Variants in DPYD observed in about 807,000 individuals in gnomAD.
The protein encoded by DPYD is dihydropyrimidine dehydrogenase.
DPYD carries 109 observed loss-of-function variants against 116.2 expected under a neutral mutation model. The observed-to-expected ratio is 0.94, with a 90% confidence interval of 0.80 to 1.10. The LOEUF is 1.10. Among genes scored for constraint, DPYD ranks in the 50% least tolerant of loss-of-function variants. The pLI is 0.00. For missense variants in DPYD, 1,302 were observed against 1,254.5 expected (o/e 1.04, Z -0.57); for synonymous variants, 440 against 432.0 (o/e 1.02, Z -0.23).
chr1:97,587,855 T>C (rs1021049066), intron 10 of DPYD, among the ~76,000 whole-genome samples: 2 of 147,264 alleles, frequency 1.4e-5, no homozygotes, highest in Non-Finnish European at 3.0e-5. Flanking sequence ...AAAAAAAGCA[T>C]GTTTAGCCAT....
intron 1 of DPYD, among the ~76,000 whole-genome samples, chr1:97,915,452 A>G (rs1201815520): frequency 3.9e-5 from 6 of 152,136 alleles, no homozygotes; most frequent in Non-Finnish European, 7.4e-5. Flanking sequence ...AAGCAATGGA[A>G]GCAGTAATAA....
Position 97,241,849 on chromosome 1 carries a change from A to G in DPYD, c.2300-6855T>C, listed in dbSNP as rs572367523. Among the ~76,000 whole-genome samples, 261 of 151,940 alleles carry G rather than the reference A, an allele frequency of 1.7e-3. 1 individual carries two copies. The highest frequency in any genetic ancestry group is 0.01 in the Middle Eastern group (3 of 294). Reference sequence around the variant, plus strand: ...GCACAGTGCCTAGCTTATAATGTGTATAAGCTAATATTAGTGTCAAAGCCA... The same window carrying G: ...GCACAGTGCCTAGCTTATAATGTGTGTAAGCTAATATTAGTGTCAAAGCCA... On this transcript the variant is annotated intron_variant, in intron 18 of 22. Coordinates refer to ENST00000370192, the MANE Select transcript of DPYD (RefSeq NM_000110.4).
At chr1:97,690,264 T>G (rs1660946009) in intron 7 of DPYD, among the ~76,000 whole-genome samples, 1 of 152,074 alleles carries the variant, frequency 6.6e-6, no homozygotes, top group Non-Finnish European at 1.5e-5. Flanking sequence ...ATAGCTAAGA[T>G]ATATTTCTTG....
chr1:97,394,924 A>G (rs1672929517), intron 14 of DPYD, among the ~76,000 whole-genome samples: 1 of 152,028 alleles, frequency 6.6e-6, no homozygotes, highest in Non-Finnish European at 1.5e-5. Context: ...ATGAAGCAAG[A>G]TATCTAAGTA....
intron 3 of DPYD, among the ~76,000 whole-genome samples, chr1:97,800,672 T>C (rs1306230018): frequency 6.6e-6 from 1 of 151,952 alleles, no homozygotes; most frequent in Non-Finnish European, 1.5e-5. Flanking sequence ...CAAATAGTGC[T>C]GCCACCATCT....
intron 6 of DPYD, among the ~76,000 whole-genome samples, chr1:97,696,196 C>T (rs528117577): frequency 2.3e-4 from 34 of 151,080 alleles, no homozygotes; most frequent in African/African-American, 8.3e-4. Context: ...TAAAGGATAT[C>T]AGAGGACATT....
At chr1:97,195,522 GA>G in intron 19 of DPYD, among the ~76,000 whole-genome samples, 1 of 8,672 alleles carries the variant, frequency 1.2e-4, no homozygotes, top group East Asian at 0.25. Context: ...GGGATAAGGA[GA>G]GAGAGAGAGA....
At chr1:97,088,755 T>C (rs1264920933) in intron 21 of DPYD, among the ~76,000 whole-genome samples, 1 of 152,154 alleles carries the variant, frequency 6.6e-6, no homozygotes, top group Non-Finnish European at 1.5e-5. Context: ...TGCCATAATC[T>C]GGTCAGGAAT....
chr1:97,631,721 G>A (rs1273896417), intron 8 of DPYD, among the ~76,000 whole-genome samples: 1 of 151,976 alleles, frequency 6.6e-6, no homozygotes, highest in African/African-American at 2.4e-5. Flanking sequence ...GAGTCTTCTT[G>A]AAACATATTT....
chr1:97,093,490 T>C (rs1650029412), intron 21 of DPYD, among the ~76,000 whole-genome samples: 1 of 152,240 alleles, frequency 6.6e-6, no homozygotes, highest in Non-Finnish European at 1.5e-5. Context: ...AATAGTAACA[T>C]TTATTTAGGA....
At chr1:97,237,069 G>A (rs115059254) in intron 18 of DPYD, among the ~76,000 whole-genome samples, 3,710 of 151,626 alleles carry the variant, frequency 0.024, 161 homozygotes, top group African/African-American at 0.085. Flanking sequence ...GTAAAACCCC[G>A]TGTCTACAAA....
chr1:97,269,368 T>C (rs769606263), intron 18 of DPYD, among the ~76,000 whole-genome samples: 2 of 152,160 alleles, frequency 1.3e-5, no homozygotes, highest in Non-Finnish European at 2.9e-5. Context: ...GCTCTATTCA[T>C]GGAAACCTAG....
At chr1:97,301,065 T>C (rs1326057995) in intron 18 of DPYD, among the ~76,000 whole-genome samples, 1 of 152,092 alleles carries the variant, frequency 6.6e-6, no homozygotes, top group African/African-American at 2.4e-5. Context: ...CTCACACAGC[T>C]AGATTTCAAA....
chr1:97,667,859 TA>T (rs1214502055), intron 8 of DPYD, among the ~76,000 whole-genome samples: 1 of 152,060 alleles, frequency 6.6e-6, no homozygotes, highest in Non-Finnish European at 1.5e-5. Flanking sequence ...GATATATACA[TA>T]AAAAATTATT....
At chr1:97,229,587 T>TATATATATATAAA (rs1434809487) in intron 19 of DPYD, among the ~76,000 whole-genome samples, 1 of 64,680 alleles carries the variant, frequency 1.5e-5, no homozygotes, top group African/African-American at 5.8e-5. Flanking sequence ...TATATATATA[T>TATATATATATAAA]ATACTGATTT....
At chr1:97,553,380 T>G (rs1371350078) in intron 11 of DPYD, among the ~76,000 whole-genome samples, 1 of 151,994 alleles carries the variant, frequency 6.6e-6, no homozygotes, top group Non-Finnish European at 1.5e-5. Flanking sequence ...CAGAAAGGAA[T>G]TCATTTATTT....
intron 16 of DPYD, among the ~76,000 whole-genome samples, chr1:97,324,277 A>T (rs1003413375): frequency 2.6e-5 from 4 of 152,006 alleles, no homozygotes; most frequent in African/African-American, 9.7e-5. Context: ...TGCAATTAAG[A>T]GTGTTAATTG....
chr1:97,131,150 GA>G (rs907385200), intron 20 of DPYD, among the ~76,000 whole-genome samples: 8 of 145,154 alleles, frequency 5.5e-5, no homozygotes, highest in South Asian at 4.4e-4. Flanking sequence ...ATATCAAAAA[GA>G]AAAAAAAAAG....
At chr1:97,439,508 T>C (rs1011254966) in intron 14 of DPYD, among the ~76,000 whole-genome samples, 7 of 152,188 alleles carry the variant, frequency 4.6e-5, no homozygotes, top group Non-Finnish European at 5.9e-5. Context: ...CATAATGTTG[T>C]TCATAATATG....
Sources: gnomAD v4.1 joint callset for allele counts (sites outside exome capture counted in the v4.1 genomes callset) on GRCh38, gnomAD v4.1.1 for gene constraint, MANE v1.5 for transcripts, NCBI Gene and HGNC (gene_info 2026-07-23, HGNC 2026-07-21) for gene names.